The following NTM variants were observed in gnomAD, a reference collection of about 807,000 sequenced individuals.
The protein encoded by NTM is IgLON family member 2.
NTM carries 13 observed loss-of-function variants against 42.1 expected under a neutral mutation model. The ratio of observed to expected loss-of-function variants is 0.31; its 90% confidence interval spans 0.20 to 0.49. NTM has a LOEUF of 0.49. Among genes scored for constraint, NTM ranks in the 20% least tolerant of loss-of-function variants. NTM has a pLI of 0.99. For missense variants in NTM, 373 were observed against 452.8 expected (o/e 0.82, Z 1.60); for synonymous variants, 187 against 179.2 (o/e 1.04, Z -0.35).
At chr11:131,504,823 G>C (rs912073501) in intron 1 of NTM, among the ~76,000 whole-genome samples, 5 of 152,048 alleles carry the variant, frequency 3.3e-5, no homozygotes, top group Non-Finnish European at 7.4e-5. Context: ...CACTCCTCCT[G>C]CATGCACATA....
At chr11:131,414,400 T>C (rs561754151) in intron 1 of NTM, among the ~76,000 whole-genome samples, 2 of 152,320 alleles carry the variant, frequency 1.3e-5, no homozygotes, top group South Asian at 4.1e-4. Context: ...CCCCAGTCTC[T>C]GATCCCTCTA....
At chr11:131,844,651 A>C (rs1267367782) in intron 1 of NTM, among the ~76,000 whole-genome samples, 1 of 152,080 alleles carries the variant, frequency 6.6e-6, no homozygotes, top group African/African-American at 2.4e-5. Flanking sequence ...GGTTTTCAAT[A>C]GAGTTTTGTA....
intron 6 of NTM, among the ~76,000 whole-genome samples, chr11:132,313,733 T>C (rs774540754): frequency 3.3e-5 from 5 of 152,160 alleles, no homozygotes; most frequent in Admixed American, 6.5e-5. Flanking sequence ...TGCCTGGTAA[T>C]AGAATCCATG....
At chr11:131,418,192 C>A (rs534634594) in intron 1 of NTM, among the ~76,000 whole-genome samples, 1 of 152,266 alleles carries the variant, frequency 6.6e-6, no homozygotes, top group African/African-American at 2.4e-5. Flanking sequence ...CTGATAGAGA[C>A]CTTTAAATGT....
intron 2 of NTM, among the ~76,000 whole-genome samples, chr11:132,060,094 G>A (rs1465622418): frequency 1.3e-5 from 2 of 152,180 alleles, no homozygotes; most frequent in African/African-American, 2.4e-5. Context: ...ATGAGACATA[G>A]GCCCCAGGTT....
At chr11:131,703,940 C>T (rs1223855724) in intron 1 of NTM, among the ~76,000 whole-genome samples, 1 of 152,118 alleles carries the variant, frequency 6.6e-6, no homozygotes, top group African/African-American at 2.4e-5. Flanking sequence ...CAAGCCAGCC[C>T]CCACAGCTCC....
chr11:132,265,372 T>A (rs1012877161), intron 4 of NTM, among the ~76,000 whole-genome samples: 1 of 152,212 alleles, frequency 6.6e-6, no homozygotes, highest in Non-Finnish European at 1.5e-5. Context: ...AGCCATGAGA[T>A]TTTGGGCAAA....
intron 1 of NTM, chr11:131,535,881 C>T (rs1380991679): frequency 1.3e-5 from 2 of 152,234 alleles, no homozygotes; most frequent in African/African-American, 2.4e-5. Flanking sequence ...TACTGACTTA[C>T]TGTGTTGCCA....
At chr11:132,193,363 A>G (rs556989135) in intron 3 of NTM, among the ~76,000 whole-genome samples, 6 of 152,276 alleles carry the variant, frequency 3.9e-5, no homozygotes, top group Admixed American at 3.9e-4. Flanking sequence ...TCTGAAAACC[A>G]TAAAATTGCA....
chr11:131,497,766 T>C (rs1397656905), intron 1 of NTM, among the ~76,000 whole-genome samples: 2 of 152,196 alleles, frequency 1.3e-5, no homozygotes, highest in Non-Finnish European at 2.9e-5. Context: ...TTTTAAAGCT[T>C]GACTTCCTTG....
intron 3 of NTM, among the ~76,000 whole-genome samples, chr11:132,166,978 A>G (rs1292744761): frequency 6.6e-6 from 1 of 152,186 alleles, no homozygotes; most frequent in Non-Finnish European, 1.5e-5. Context: ...TTCTCCCTGG[A>G]CATCTCCCAC....
At chr11:131,974,891 A>C (rs186581031) in intron 2 of NTM, among the ~76,000 whole-genome samples, 2 of 152,212 alleles carry the variant, frequency 1.3e-5, no homozygotes, top group Non-Finnish European at 2.9e-5. Flanking sequence ...GGAATAGTCT[A>C]AACTTTTGAA....
intron 1 of NTM, among the ~76,000 whole-genome samples, chr11:131,473,894 T>G (rs1021007615): frequency 2.6e-5 from 4 of 152,192 alleles, no homozygotes; most frequent in African/African-American, 9.7e-5. Flanking sequence ...TTTGACTACC[T>G]TTTCTTGATC....
chr11:132,156,712 G>A (rs562288869), intron 3 of NTM, among the ~76,000 whole-genome samples: 1 of 151,974 alleles, frequency 6.6e-6, no homozygotes, highest in East Asian at 1.9e-4. Flanking sequence ...ACTAGTTGTA[G>A]TAGGCTGAAT....
chr11:131,864,835 T>C (rs1264465476), intron 1 of NTM, among the ~76,000 whole-genome samples: 2 of 152,182 alleles, frequency 1.3e-5, no homozygotes, highest in African/African-American at 4.8e-5. Flanking sequence ...TCTCTCCTAA[T>C]GTTGAGCTGA....
At chr11:131,797,811 A>G (rs1285667839) in intron 1 of NTM, among the ~76,000 whole-genome samples, 1 of 152,206 alleles carries the variant, frequency 6.6e-6, no homozygotes, top group African/African-American at 2.4e-5. Context: ...TGGCAATTCC[A>G]TGTCAGCACC....
At chr11:131,818,473 A>G (rs1245040397) in intron 1 of NTM, among the ~76,000 whole-genome samples, 1 of 152,152 alleles carries the variant, frequency 6.6e-6, no homozygotes, top group Non-Finnish European at 1.5e-5. Flanking sequence ...ATGGATTTGT[A>G]TAGCTGGATA....
intron 1 of NTM, among the ~76,000 whole-genome samples, chr11:131,761,672 G>A (rs2084203071): frequency 1.3e-5 from 2 of 152,032 alleles, no homozygotes; most frequent in Non-Finnish European, 1.5e-5. Flanking sequence ...AGCCAGGCGT[G>A]GTGGCGCATC....
At chr11:132,108,778 A>G (rs2062762156) in intron 2 of NTM, among the ~76,000 whole-genome samples, 1 of 152,166 alleles carries the variant, frequency 6.6e-6, no homozygotes, top group Admixed American at 6.5e-5. Flanking sequence ...ATAGGTATAC[A>G]TGTGCCATTG....
Sources: gnomAD v4.1 joint callset for allele counts (sites outside exome capture counted in the v4.1 genomes callset) on GRCh38, gnomAD v4.1.1 for gene constraint, MANE v1.5 for transcripts, NCBI Gene and HGNC (gene_info 2026-07-23, HGNC 2026-07-21) for gene names.